The following PRKG1 variants were observed in gnomAD, a reference collection of about 807,000 sequenced individuals.
The protein encoded by PRKG1 is cGMP-dependent protein kinase 1.
A neutral mutation model predicts 88.1 loss-of-function variants in PRKG1; 35 were observed. The ratio of observed to expected loss-of-function variants is 0.40; its 90% CI spans 0.30 to 0.53. The LOEUF is 0.53. Ranked by LOEUF, PRKG1 falls within the 20% of genes least tolerant of loss-of-function variation. The probability of loss-of-function intolerance (pLI) is 0.59; values close to 1 mark genes in which losing one functional copy is unlikely to be tolerated. For missense variants in PRKG1, 540 were observed against 839.8 expected (o/e 0.64, Z 4.41); for synonymous variants, 303 against 292.5 (o/e 1.04, Z -0.37).
intron 3 of PRKG1, among the ~76,000 whole-genome samples, chr10:51,540,746 G>A (rs1222520207): frequency 6.6e-6 from 1 of 152,000 alleles, no homozygotes; most frequent in African/African-American, 2.4e-5. Context: ...TTGAGACGGA[G>A]TCTTGCTCTG....
At chr10:52,209,709 T>A (rs563833260) in intron 9 of PRKG1, among the ~76,000 whole-genome samples, 1 of 152,244 alleles carries the variant, frequency 6.6e-6, no homozygotes, top group East Asian at 1.9e-4. Flanking sequence ...TTTCTCTATA[T>A]CACAAAGCGG....
intron 3 of PRKG1, among the ~76,000 whole-genome samples, chr10:51,767,182 TACC>T (rs1219491785): frequency 6.6e-6 from 1 of 152,156 alleles, no homozygotes; most frequent in Non-Finnish European, 1.5e-5. Context: ...TGCTTCCCCA[TACC>T]ACAAGATTCT....
intron 5 of PRKG1, among the ~76,000 whole-genome samples, chr10:52,045,291 C>T (rs1240855474): frequency 6.6e-6 from 1 of 151,940 alleles, no homozygotes; most frequent in African/African-American, 2.4e-5. Context: ...ATAGAGCAAC[C>T]TAAGGGCTTT....
At chr10:51,194,487 A>G (rs1216304705) in intron 2 of PRKG1, among the ~76,000 whole-genome samples, 3 of 151,916 alleles carry the variant, frequency 2.0e-5, no homozygotes, top group Admixed American at 6.6e-5. Flanking sequence ...TATGGGAGTA[A>G]TTATCCTCTG....
At chr10:51,049,354 C>A (rs1017322787) in intron 1 of PRKG1, among the ~76,000 whole-genome samples, 2 of 152,190 alleles carry the variant, frequency 1.3e-5, no homozygotes, top group South Asian at 2.1e-4. Flanking sequence ...GTGTGAATAA[C>A]AATGTGTGGC....
chr10:51,242,677 T>C (rs1839185595), intron 2 of PRKG1, among the ~76,000 whole-genome samples: 1 of 152,162 alleles, frequency 6.6e-6, no homozygotes, highest in South Asian at 2.1e-4. Flanking sequence ...TCTTTGTTAC[T>C]TTATAGAGTT....
intron 3 of PRKG1, among the ~76,000 whole-genome samples, chr10:51,481,755 G>A (rs1168907412): frequency 6.9e-6 from 1 of 144,668 alleles, no homozygotes; most frequent in South Asian, 2.2e-4. Flanking sequence ...TTTTTTTTCT[G>A]TTAGTGCTAA....
intron 3 of PRKG1, among the ~76,000 whole-genome samples, chr10:51,665,553 G>A (rs1340865538): frequency 6.6e-6 from 1 of 152,078 alleles, no homozygotes; most frequent in Non-Finnish European, 1.5e-5. Context: ...TGTAAGCCAA[G>A]ATTCTATTTT....
At chr10:51,404,596 G>T (rs10762113) in intron 2 of PRKG1, among the ~76,000 whole-genome samples, 119,376 of 152,130 alleles carry the variant, frequency 0.78, 47,168 homozygotes, top group African/African-American at 0.81. Flanking sequence ...TTGCTTGGGT[G>T]GAAATCCTTG....
intron 2 of PRKG1, among the ~76,000 whole-genome samples, chr10:51,297,450 A>T (rs1330379596): frequency 1.3e-5 from 2 of 152,054 alleles, no homozygotes; most frequent in African/African-American, 2.4e-5. Context: ...TTAAAACGTG[A>T]ATTCTTGGAT....
At chr10:51,790,899 C>T (rs942285802) in intron 3 of PRKG1, among the ~76,000 whole-genome samples, 2 of 152,132 alleles carry the variant, frequency 1.3e-5, no homozygotes, top group African/African-American at 4.8e-5. Context: ...CCATCCAATT[C>T]AGTAATCCTG....
chr10:51,705,375 T>A (rs1344706688), intron 3 of PRKG1, among the ~76,000 whole-genome samples: 1 of 152,228 alleles, frequency 6.6e-6, no homozygotes, highest in East Asian at 1.9e-4. Context: ...TAAATATTTT[T>A]AAATTAATAC....
At chr10:51,917,403 C>T (rs989182215) in intron 5 of PRKG1, among the ~76,000 whole-genome samples, 3 of 151,340 alleles carry the variant, frequency 2.0e-5, no homozygotes, top group Non-Finnish European at 4.4e-5. Context: ...GGTTGTACAA[C>T]TCTGAATATA....
intron 17 of PRKG1, among the ~76,000 whole-genome samples, chr10:52,291,051 T>A (rs943890721): frequency 1.3e-5 from 2 of 151,284 alleles, no homozygotes; most frequent in African/African-American, 2.4e-5. Flanking sequence ...GTCTCCTGAG[T>A]AGCTGGGATT....
chr10:52,018,085 T>A (rs964664622), intron 5 of PRKG1, among the ~76,000 whole-genome samples: 1 of 151,892 alleles, frequency 6.6e-6, no homozygotes, highest in African/African-American at 2.4e-5. Context: ...TCAGTAGAGA[T>A]CAACTCAGGG....
At chr10:51,788,933 T>C (rs1838798990) in intron 3 of PRKG1, among the ~76,000 whole-genome samples, 1 of 152,182 alleles carries the variant, frequency 6.6e-6, no homozygotes, top group South Asian at 2.1e-4. Flanking sequence ...ATATGTACAC[T>C]GTTTGCAGAA....
At chr10:52,090,282 T>C (rs569297089) in intron 7 of PRKG1, among the ~76,000 whole-genome samples, 1 of 152,140 alleles carries the variant, frequency 6.6e-6, no homozygotes, top group African/African-American at 2.4e-5. Flanking sequence ...AAAAAAGACA[T>C]TGGAGGCAAC....
chr10:51,267,970 T>C (rs568533541), intron 2 of PRKG1, among the ~76,000 whole-genome samples: 2 of 152,252 alleles, frequency 1.3e-5, no homozygotes, highest in South Asian at 4.1e-4. Context: ...ATATTTCACA[T>C]AGGTTCTTTT....
chr10:51,921,172 C>T (rs1448433981), intron 5 of PRKG1, among the ~76,000 whole-genome samples: 2 of 152,056 alleles, frequency 1.3e-5, no homozygotes, highest in Non-Finnish European at 2.9e-5. Context: ...AGTAGTTTTG[C>T]TAATATACAT....
Sources: allele counts gnomAD v4.1 joint callset (sites outside exome capture counted in the v4.1 genomes callset), GRCh38; gene constraint gnomAD v4.1.1; transcripts MANE v1.5; gene names NCBI Gene and HGNC (gene_info 2026-07-23, HGNC 2026-07-21).